DYNC1H1: variants seen among roughly 807,000 people sequenced by gnomAD.
DYNC1H1 encodes cytoplasmic dynein 1 heavy chain 1.
In DYNC1H1, 51 loss-of-function variants were observed where a neutral mutation model predicts 527.1. The observed-to-expected ratio is 0.10, with a 90% CI of 0.08 to 0.12. The LOEUF is 0.12. Ranked by LOEUF, DYNC1H1 falls within the 10% of genes least tolerant of loss-of-function variation. DYNC1H1 has a pLI of 1.00. For synonymous variants in DYNC1H1, 2,189 were observed against 2,278.8 expected, an observed-to-expected ratio of 0.96 and a Z score of 1.12; for missense variants, 2,771 against 5,971.8, an observed-to-expected ratio of 0.46 and a Z score of 17.66.
Position 101,991,614 on chromosome 14 carries a change from A to G in DYNC1H1, c.2956A>G (p.Met986Val), listed in dbSNP as rs2047999057. 1 of 1,614,096 alleles carries G rather than the reference A, an allele frequency of 6.2e-7. No individual in the cohort carries two copies. Among genetic ancestry groups the G allele is most frequent in the Non-Finnish European group, 8.5e-7 (1 of 1,180,042 alleles). ...GTGCAGATACAAGCTGTATCAGGAAATGTTTGCCTGGAAGATGGTTGTACT... is the reference window on the plus strand; with the variant it reads ...GTGCAGATACAAGCTGTATCAGGAAGTGTTTGCCTGGAAGATGGTTGTACT... ...EECRYKLYQEMFAWKMVVLSL... is the reference protein window; with the variant it reads ...EECRYKLYQEVFAWKMVVLSL... Residue 986 changes from methionine to valine, a missense_variant, in exon 11 of 78, where the codon ATG becomes GTG. By Grantham distance (21) the Met-to-Val change is conservative. Transcript: ENST00000360184.
Position 102,044,387 on chromosome 14 carries a change from C to T in DYNC1H1, c.12798C>T (p.Asn4266=), listed in dbSNP as rs766119476. 10 of 1,614,056 alleles carry T rather than the reference C, an allele frequency of 6.2e-6. No individual in the cohort carries two copies. The highest frequency in any genetic ancestry group is 2.7e-5 in the African/African-American group (2 of 74,942). The change falls in exon 71 of 78, where the codon AAC becomes AAT. Residue 4266 remains asparagine, a synonymous_variant. Transcript: ENST00000360184. The surrounding 1 kb of genome is among the most constrained non-coding windows in gnomAD (Gnocchi z 7.1). ...VDNEFDQRLL[N]TFLERLFTTR... ...ACGAGTTTGACCAGCGTCTGCTCAA[C>T]ACCTTCCTGGAGCGCCTGTTCACAA...
At chr14:101,973,532 G>A (rs1011227936) in intron 1 of DYNC1H1, among the ~76,000 whole-genome samples, 1 of 152,126 alleles carries the variant, frequency 6.6e-6, no homozygotes, top group Non-Finnish European at 1.5e-5. Context: ...GGAAGCAGGG[G>A]TTGGGCGCAA....
At chr14:102,019,239 T>C (rs2048358609) in intron 41 of DYNC1H1, among the ~76,000 whole-genome samples, 1 of 152,248 alleles carries the variant, frequency 6.6e-6, no homozygotes, top group South Asian at 2.1e-4. Context: ...TTCCCTGTAT[T>C]CTGCAACATT....
At position 102,041,863 on chromosome 14, in the gene DYNC1H1, G is replaced by A; in HGVS notation, c.12102+129G>A. 6.5e-7 allele frequency: 1 copy of A among 1,529,682 alleles called. No homozygotes were observed. The highest frequency in any genetic ancestry group is 8.9e-7 in the Non-Finnish European group (1 of 1,120,350). 94.8% of individuals were successfully genotyped at this position (1,529,682 alleles called of 1,614,324 possible). On this transcript the variant is annotated intron_variant, in intron 65 of 77. Transcript: ENST00000360184. This position sits in a 1 kb window ranked among gnomAD's most constrained non-coding sequence, Gnocchi z 4.5. ...CTCCTCCTAAGACCAGGAACTCGCT[G>A]CAGATTCTCAACTCCTGGCTGCATG...
At position 102,041,671 on chromosome 14, in the gene DYNC1H1, T is replaced by G; in HGVS notation, c.12039T>G (p.Leu4013=). Residue 4013 remains leucine (L), a synonymous_variant, in exon 65 of 78, where the codon CTT becomes CTG. Coordinates refer to ENST00000360184, the MANE Select transcript of DYNC1H1 (RefSeq NM_001376.5). The surrounding 1 kb of genome is among the most constrained non-coding windows in gnomAD (Gnocchi z 4.5). ...CCCACATGTTTGTTTCAACAAACCT[T>G]GGGGAGTCTTTCATGTCCATCATGG... is the stretch of plus-strand genomic sequence containing the variant. The part of the protein sequence containing the change: ...AMAHMFVSTN[L]GESFMSIMEQ... The G allele has an allele frequency of 6.2e-7, 1 of 1,614,180 alleles. No homozygotes were observed. The highest frequency in any genetic ancestry group is 8.5e-7 in the Non-Finnish European group (1 of 1,180,036).
chr14:102,004,632 G>T lies in DYNC1H1; in HGVS notation c.4998G>T (p.Leu1666=). 6.2e-7 allele frequency: 1 copy of T among 1,614,180 alleles called. No individual in the cohort carries two copies. Among genetic ancestry groups the T allele is most frequent in the Non-Finnish European group, 8.5e-7 (1 of 1,180,038 alleles). The part of the protein sequence containing the change: ...KMFAGVSSII[L]NEDNSVVLGI... ...TTGCTGGAGTTTCGAGCATCATCCT[G>T]AACGAGGATAACTCTGTTGTTTTGG... Residue 1666 remains leucine, a synonymous_variant, in exon 24 of 78, where the codon CTG becomes CTT. Transcript: ENST00000360184.
chr14:101,966,636 A>G (rs2047671431), intron 1 of DYNC1H1, among the ~76,000 whole-genome samples: 2 of 152,194 alleles, frequency 1.3e-5, no homozygotes, highest in African/African-American at 4.8e-5. Flanking sequence ...TATTTTGAGT[A>G]GCTTGACCAT....
chr14:102,046,010 CAA>C (rs1225473234), intron 72 of DYNC1H1, among the ~76,000 whole-genome samples: 6 of 151,342 alleles, frequency 4.0e-5, no homozygotes, highest in Non-Finnish European at 3.0e-5. Context: ...ACTAAAAATA[CAA>C]AAAAAATTAG....
chr14:102,015,343 G>A lies in DYNC1H1; in HGVS notation c.7242+11G>A, dbSNP rs1247972174. 3 of 1,604,944 alleles carry A rather than the reference G, an allele frequency of 1.9e-6. No individual in the cohort carries two copies. Among genetic ancestry groups the A allele is most frequent in the Non-Finnish European group, 2.6e-6 (3 of 1,175,176 alleles). On this transcript the variant is annotated intron_variant, in intron 35 of 77. Transcript: ENST00000360184. The surrounding 1 kb of genome is among the most constrained non-coding windows in gnomAD (Gnocchi z 6.9). ...TCCCCCATGCTGCAGGTACGCCCAG[G>A]TGGGACCCCACATATCATGACCTGA...
chr14:101,971,656 G>C (rs1294684295), intron 1 of DYNC1H1, among the ~76,000 whole-genome samples: 1 of 152,108 alleles, frequency 6.6e-6, no homozygotes, highest in Non-Finnish European at 1.5e-5. Flanking sequence ...GCCCAGAGAG[G>C]TCAAGGCTGC....
intron 28 of DYNC1H1, among the ~76,000 whole-genome samples, chr14:102,007,871 T>C (rs555672740): frequency 2.0e-5 from 3 of 152,328 alleles, no homozygotes; most frequent in African/African-American, 7.2e-5. Context: ...CGGGGTTCAG[T>C]TCCCAGTGAG....
rs1352376497 is a variant in DYNC1H1, at chr14:102,009,853, C to T, written c.5988C>T (p.Pro1996=). 4 of 1,614,104 alleles carry T rather than the reference C, an allele frequency of 2.5e-6. No individual in the cohort carries two copies. The highest frequency in any genetic ancestry group is 3.4e-6 in the Non-Finnish European group (4 of 1,180,036). Residue 1996 remains proline (P), a synonymous_variant, in exon 30 of 78, where the codon CCC becomes CCT. Coordinates refer to ENST00000360184, the MANE Select transcript of DYNC1H1 (RefSeq NM_001376.5). ...TCATCTCATTCTCAGCCTCTGCCCC[C>T]ATTACTTGTGAGCTGCTGAACAAAC... ...SNPNYDKTSA[P]ITCELLNKQV...
Position 102,005,874 on chromosome 14 carries a change from C to A in DYNC1H1, c.5434-14C>A. The A allele has an allele frequency of 6.2e-7, 1 of 1,614,026 alleles. No individual in the cohort carries two copies. Among genetic ancestry groups the A allele is most frequent in the South Asian group, 1.1e-5 (1 of 91,068 alleles). On this transcript the variant is annotated splice_polypyrimidine_tract_variant and intron_variant, in intron 26 of 77. Transcript: ENST00000360184. The surrounding 1 kb of genome is among the most constrained non-coding windows in gnomAD (Gnocchi z 4.0). ...TAGTGTAGATGAACTTTTAAAGTGA[C>A]TCTCTTTCTTCAGATTACAGAGTTG...
intron 1 of DYNC1H1, among the ~76,000 whole-genome samples, chr14:101,975,225 C>T (rs985125532): frequency 1.3e-5 from 2 of 152,204 alleles, no homozygotes; most frequent in Non-Finnish European, 2.9e-5. Context: ...GTCACACCAA[C>T]CCCATAGGGT....
chr14:101,994,937 C>T (rs769094532), intron 13 of DYNC1H1, 49 bp from the exon 14 acceptor site: 21 of 1,613,074 alleles, frequency 1.3e-5, no homozygotes, highest in Middle Eastern at 1.6e-4. Context: ...AGGATAAACA[C>T]GCCAGCAGGA....
In DYNC1H1 at chr14:102,000,294, A is replaced by C; in HGVS notation, c.3969A>C (p.Leu1323Phe). 1.2e-6 allele frequency: 2 copies of C among 1,614,208 alleles called. No individual in the cohort carries two copies. Among genetic ancestry groups the C allele is most frequent in the Non-Finnish European group, 1.7e-6 (2 of 1,180,038 alleles). ...SGSEERVQVA[L>F]EELQDLKGVW... ...ACTATTCTCAATCGCAGGTGGCCTTAGAAGAATTACAGGACCTCAAAGGCG... is the reference window on the plus strand; with the variant it reads ...ACTATTCTCAATCGCAGGTGGCCTTCGAAGAATTACAGGACCTCAAAGGCG... Residue 1323 changes from leucine (L) to phenylalanine (F), a missense_variant, in exon 18 of 78, where the codon TTA becomes TTC. By Grantham distance (22) the Leu-to-Phe change is conservative (BLOSUM62 0). Transcript: ENST00000360184.
At position 102,047,935 on chromosome 14, in the gene DYNC1H1, C is replaced by T. The variant is rs1420364166; in HGVS notation, c.13125C>T (p.Ala4375=). The T allele has an allele frequency of 1.2e-6, 2 of 1,613,300 alleles. No individual in the cohort carries two copies. Among genetic ancestry groups the T allele is most frequent in the South Asian group, 1.1e-5 (1 of 91,086 alleles). ...ACTCCACGTCCGACGGGCGCCCTGC[C>T]TGGATGCGGACACTGCACACCACCG... ...RTDSTSDGRP[A]WMRTLHTTAS... is the part of the protein sequence containing the mutation. Residue 4375 remains alanine (A), a synonymous_variant, in exon 73 of 78, where the codon GCC becomes GCT. Transcript: ENST00000360184.
intron 15 of DYNC1H1, among the ~76,000 whole-genome samples, chr14:101,996,037 C>G (rs2048057806): frequency 1.3e-5 from 2 of 152,128 alleles, no homozygotes; most frequent in African/African-American, 4.8e-5. Flanking sequence ...GCACTCCAGC[C>G]TGGGTGACAG....
chr14:101,976,647 A>T (rs539381354), intron 2 of DYNC1H1, among the ~76,000 whole-genome samples: 9 of 152,188 alleles, frequency 5.9e-5, no homozygotes, highest in Admixed American at 2.0e-4. Flanking sequence ...TTTCCAATTC[A>T]ATATAAATTC....
Sources: gnomAD v4.1 joint callset for allele counts (sites outside exome capture counted in the v4.1 genomes callset) on GRCh38, gnomAD v4.1.1 for gene constraint, Gnocchi (gnomAD v3.1) non-coding constraint, MANE v1.5 for transcripts, NCBI Gene and HGNC (gene_info 2026-07-23, HGNC 2026-07-21) for gene names.